ECE1: variants seen among roughly 807,000 people sequenced by gnomAD.
The protein encoded by ECE1 is endothelin converting enzyme 1, also known as endothelin-converting enzyme 1.
A neutral mutation model predicts 98.6 loss-of-function variants in ECE1; 35 were observed. The ratio of observed to expected loss-of-function variants is 0.35; its 90% CI spans 0.27 to 0.47. The LOEUF is 0.47. ECE1 is among the 20% of genes least tolerant of loss of function. ECE1 has a pLI of 1.00. For synonymous variants in ECE1, 394 were observed against 407.1 expected, an observed-to-expected ratio of 0.97 and a Z score of 0.39; for missense variants, 814 against 1,025.3, an observed-to-expected ratio of 0.79 and a Z score of 2.81.
chr1:21,314,310 G>A (rs1280851990), intron 1 of ECE1, among the ~76,000 whole-genome samples: 2 of 152,186 alleles, frequency 1.3e-5, no homozygotes, highest in African/African-American at 2.4e-5. Flanking sequence ...GGACACTCAC[G>A]CAGCCACATT....
chr1:21,247,022 C>A (rs2098204622), intron 9 of ECE1, among the ~76,000 whole-genome samples, 199 bp downstream of exon 9: 1 of 152,172 alleles, frequency 6.6e-6, no homozygotes, highest in Non-Finnish European at 1.5e-5. Context: ...CGAAATTTGC[C>A]CAAGGCTACA....
intron 1 of ECE1, among the ~76,000 whole-genome samples, chr1:21,336,118 T>C (rs1452352966): frequency 1.3e-5 from 2 of 152,200 alleles, no homozygotes; most frequent in Admixed American, 1.3e-4. Flanking sequence ...CAGTGTCTCA[T>C]ACCTGTAATC....
chr1:21,244,673 C>T (rs1198168917), intron 10 of ECE1, among the ~76,000 whole-genome samples: 3 of 152,164 alleles, frequency 2.0e-5, no homozygotes, highest in Admixed American at 6.5e-5. Context: ...CTGTGTTTTA[C>T]GTTTCCGGGG....
rs1638908890 is a variant in ECE1, at chr1:21,319,283, T to G, written c.3+26093A>C. Among the ~76,000 whole-genome samples the G allele has an allele frequency of 6.6e-6, 1 of 152,150 alleles. No individual in the cohort carries two copies. The highest frequency in any genetic ancestry group is 1.5e-5 in the Non-Finnish European group (1 of 68,024). Reference sequence around the variant, plus strand: ...TCGCTTGAACCCGGGAAGTGGAGGTTGCAGTGAGCCGAGATCGCATCACTG... The same window carrying G: ...TCGCTTGAACCCGGGAAGTGGAGGTGGCAGTGAGCCGAGATCGCATCACTG... On this transcript the variant is annotated intron_variant, in intron 1 of 18. Coordinates refer to the ECE1 transcript ENST00000415912. The surrounding 1 kb of genome is among the most constrained non-coding windows in gnomAD (Gnocchi z 4.4).
chr1:21,282,821 A>T (rs2098256344), intron 2 of ECE1, among the ~76,000 whole-genome samples: 1 of 152,104 alleles, frequency 6.6e-6, no homozygotes, highest in Non-Finnish European at 1.5e-5. Flanking sequence ...AGATGAAAGA[A>T]ACAGAGGGAT....
chr1:21,314,717 G>A (rs954675996), intron 1 of ECE1, among the ~76,000 whole-genome samples: 2 of 152,178 alleles, frequency 1.3e-5, no homozygotes, highest in African/African-American at 2.4e-5. Flanking sequence ...AGACCCCAAC[G>A]CCACTGATTC....
At chr1:21,236,617 C>A in intron 12 of ECE1, 129 bp downstream of exon 12, 1 of 918,458 alleles carries the variant, frequency 1.1e-6, no homozygotes, top group Non-Finnish European at 1.7e-6. Context: ...CCATAGCACT[C>A]CAGCCTGGGT....
intron 1 of ECE1, among the ~76,000 whole-genome samples, chr1:21,325,824 G>A (rs1639066033): frequency 6.6e-6 from 1 of 152,238 alleles, no homozygotes; most frequent in South Asian, 2.1e-4. Context: ...ACGAGAAGGG[G>A]CGGCAGCAGA....
intron 1 of ECE1, among the ~76,000 whole-genome samples, chr1:21,296,777 C>T (rs3026851): frequency 0.072 from 11,021 of 152,194 alleles, 548 homozygotes; most frequent in Non-Finnish European, 0.11. Context: ...GCCTCCTACC[C>T]GGGGCCTGGC....
chr1:21,269,836 C>T (rs928539867), intron 4 of ECE1, among the ~76,000 whole-genome samples: 3 of 152,234 alleles, frequency 2.0e-5, no homozygotes, highest in Non-Finnish European at 2.9e-5. Context: ...ACCAGGACTG[C>T]TTGACTTCAG....
rs2098201403 is a variant in ECE1 at position 21,245,030 on chromosome 1, C to T, written c.1237G>A (p.Ala413Thr). 3 of 1,614,182 alleles carry T rather than the reference C, an allele frequency of 1.9e-6. No individual in the cohort carries two copies. The highest frequency in any genetic ancestry group is 2.5e-6 in the Non-Finnish European group (3 of 1,180,032). ...SSFLDQRFQD[A>T]DEKFMEVMYG... ...ATGACTTCCATGAACTTCTCATCGG[C>T]GTCCTGAAAGCGCTGGTCAAGGAAG... Residue 413 changes from alanine to threonine, a missense_variant, in exon 10 of 19, where the codon GCC (alanine) becomes ACC (threonine). Ala to Thr is a moderately conservative substitution (Grantham distance 58). Transcript: ENST00000374893.
chr1:21,332,071 G>A (rs78774716), intron 1 of ECE1, among the ~76,000 whole-genome samples: 1,591 of 152,288 alleles, frequency 0.01, 23 homozygotes, highest in African/African-American at 0.035. Context: ...ACTAAGGGCA[G>A]CCTTACTGCA....
intron 8 of ECE1, among the ~76,000 whole-genome samples, chr1:21,249,490 G>C (rs12066749): frequency 0.012 from 1,845 of 151,940 alleles, 43 homozygotes; most frequent in African/African-American, 0.042. Context: ...GAGCCCAGGA[G>C]TTCAAGACCA....
rs1423724084 is a variant in ECE1 at position 21,235,344 on chromosome 1, TC to T, written c.1566+505del. 1.3e-5 allele frequency among the ~76,000 whole-genome samples: 2 copies of T among 152,144 alleles called. No individual in the cohort carries two copies. Among genetic ancestry groups the T allele is most frequent in the African/African-American group, 4.8e-5 (2 of 41,438 alleles). On this transcript the variant is annotated intron_variant, in intron 13 of 18. Coordinates refer to ENST00000374893, the MANE Select transcript of ECE1 (RefSeq NM_001397.3). This position sits in a 1 kb window ranked among gnomAD's most constrained non-coding sequence, Gnocchi z 4.2. ...TGCACCTGGATTTAAGCTGCTTCTT[TC>T]CCATTAGCATTTCAAAGTCAAAATC...
chr1:21,252,956 T>C (rs2098214568), intron 8 of ECE1, among the ~76,000 whole-genome samples: 1 of 152,240 alleles, frequency 6.6e-6, no homozygotes, highest in African/African-American at 2.4e-5. Flanking sequence ...CCTCAACTTA[T>C]TCTCCAACAA....
rs2098162981 is a variant in ECE1 at position 21,218,084 on chromosome 1, T to A, written c.*1871A>T. On this transcript the variant is annotated 3_prime_UTR_variant, in exon 19 of 19. Coordinates refer to ENST00000374893, the MANE Select transcript of ECE1 (RefSeq NM_001397.3). This position sits in a 1 kb window ranked among gnomAD's most constrained non-coding sequence, Gnocchi z 4.0. Reference sequence around the variant, plus strand: ...CAGAGGCCGCTCCAGGTGCTTCCACTTGGTGGCGCCCATGAGTCTGCTACT... The same window carrying A: ...CAGAGGCCGCTCCAGGTGCTTCCACATGGTGGCGCCCATGAGTCTGCTACT... The A allele has an allele frequency of 6.6e-6, 1 of 152,276 alleles. No homozygotes were observed. The highest frequency in any genetic ancestry group is 2.1e-4 in the South Asian group (1 of 4,828). The allele number at this position is 152,276 out of a possible 1,614,324, so 9.4% of individuals were successfully genotyped here.
rs1639104213 is a variant in ECE1 at position 21,327,409 on chromosome 1, A to G, written c.3+17967T>C. Reference sequence around the variant, plus strand: ...TCACCAGGCCCTGCCCACTCTACTCAGTTTCTCTGTCTGCCTCTCCCTCAC... The same window carrying G: ...TCACCAGGCCCTGCCCACTCTACTCGGTTTCTCTGTCTGCCTCTCCCTCAC... On this transcript the variant is annotated intron_variant, in intron 1 of 18. Transcript: ENST00000415912. The surrounding 1 kb of genome is among the most constrained non-coding windows in gnomAD (Gnocchi z 4.6). Among the ~76,000 whole-genome samples, 1 of 151,942 alleles carries G rather than the reference A, an allele frequency of 6.6e-6. No individual in the cohort carries two copies. The highest frequency in any genetic ancestry group is 1.5e-5 in the Non-Finnish European group (1 of 67,972).
upstream of ECE1, among the ~76,000 whole-genome samples, chr1:21,295,436 AC>A: frequency 6.6e-6 from 1 of 152,380 alleles, no homozygotes; most frequent in East Asian, 1.9e-4. Context: ...AAGATATGCC[AC>A]TTGACATTTA....
intron 1 of ECE1, among the ~76,000 whole-genome samples, chr1:21,312,083 A>G (rs1029656402): frequency 3.4e-5 from 5 of 149,186 alleles, no homozygotes; most frequent in Admixed American, 1.3e-4. Context: ...AGATCATGCC[A>G]CTGCACTCCA....
Sources: gnomAD v4.1 joint callset for allele counts (sites outside exome capture counted in the v4.1 genomes callset) on GRCh38, gnomAD v4.1.1 for gene constraint, Gnocchi (gnomAD v3.1) non-coding constraint, MANE v1.5 for transcripts, NCBI Gene and HGNC (gene_info 2026-07-23, HGNC 2026-07-21) for gene names.